Variants in AGBL4 observed in about 807,000 individuals in gnomAD.
AGBL4 encodes cytosolic carboxypeptidase 6.
A neutral mutation model predicts 66.4 loss-of-function variants in AGBL4; 58 were observed. The ratio of observed to expected loss-of-function variants is 0.87; its 90% CI spans 0.71 to 1.09. The LOEUF is 1.09. AGBL4 is among the 50% of genes least tolerant of loss of function. AGBL4 has a pLI of 0.00. For missense variants in AGBL4, 579 were observed against 631.0 expected, an observed-to-expected ratio of 0.92 and a Z score of 0.88; for synonymous variants, 234 against 222.9, an observed-to-expected ratio of 1.05 and a Z score of -0.44.
chr1:48,788,233 A>G (rs1645455124), intron 6 of AGBL4, among the ~76,000 whole-genome samples: 1 of 152,198 alleles, frequency 6.6e-6, no homozygotes, highest in African/African-American at 2.4e-5. Context: ...GGTTGCAAAA[A>G]CTATGAGTTG....
chr1:49,392,416 C>A (rs1644870725), intron 3 of AGBL4, among the ~76,000 whole-genome samples: 1 of 152,174 alleles, frequency 6.6e-6, no homozygotes, highest in Admixed American at 6.5e-5. Flanking sequence ...CTCAGAATGA[C>A]TTTTGCTACA....
intron 8 of AGBL4, among the ~76,000 whole-genome samples, 180 bp from the exon 9 acceptor site, chr1:48,634,784 G>A (rs1305222409): frequency 3.3e-5 from 5 of 152,208 alleles, no homozygotes; most frequent in Non-Finnish European, 7.3e-5. Flanking sequence ...ACAACCCTGT[G>A]AGGTCACTAC....
intron 5 of AGBL4, among the ~76,000 whole-genome samples, chr1:48,959,246 T>C (rs1449787752): frequency 6.6e-6 from 1 of 152,208 alleles, no homozygotes; most frequent in Non-Finnish European, 1.5e-5. Context: ...AATACCTACT[T>C]TTCATGGCTT....
chr1:48,622,472 T>C (rs2148398230), intron 9 of AGBL4, among the ~76,000 whole-genome samples: 1 of 137,990 alleles, frequency 7.2e-6, no homozygotes, highest in African/African-American at 2.6e-5. Flanking sequence ...TTTATTCAAA[T>C]ACATTTTTTT....
intron 3 of AGBL4, among the ~76,000 whole-genome samples, chr1:49,646,104 T>C (rs1365012467): frequency 6.6e-6 from 1 of 151,830 alleles, no homozygotes; most frequent in Non-Finnish European, 1.5e-5. Context: ...TTCCCTCTAA[T>C]ATCAGGATCA....
intron 5 of AGBL4, among the ~76,000 whole-genome samples, chr1:49,036,913 A>G (rs1664712022): frequency 1.3e-5 from 2 of 152,028 alleles, no homozygotes; most frequent in African/African-American, 4.8e-5. Flanking sequence ...CAAAGAGAGG[A>G]AGTCACAGGG....
intron 1 of AGBL4, chr1:49,994,636 T>A (rs1331438791): frequency 6.6e-6 from 1 of 152,504 alleles, no homozygotes; most frequent in East Asian, 1.9e-4. Flanking sequence ...TTAAAAAAAT[T>A]GCAAATGGGA....
At chr1:49,722,560 G>A (rs1415390652) in intron 2 of AGBL4, among the ~76,000 whole-genome samples, 1 of 152,110 alleles carries the variant, frequency 6.6e-6, no homozygotes, top group Non-Finnish European at 1.5e-5. Flanking sequence ...ATACAATGAT[G>A]AATAACAATA....
At position 49,117,091 on chromosome 1, in the gene AGBL4, T is replaced by G. The variant is rs182975292; in HGVS notation, c.378-71291A>C. Among the ~76,000 whole-genome samples the G allele has an allele frequency of 1.0e-3, 157 of 152,216 alleles. 4 individuals carry two copies. The highest frequency in any genetic ancestry group is 8.8e-5 in the Non-Finnish European group (6 of 67,980). On this transcript the variant is annotated intron_variant, in intron 4 of 13. Transcript: ENST00000371839. Reference sequence around the variant, plus strand: ...TTTTTTTTTTTCCTTGTAAATTTGTTTGAGTTCTTTGTAGATTCTGGATAT... The same window carrying G: ...TTTTTTTTTTTCCTTGTAAATTTGTGTGAGTTCTTTGTAGATTCTGGATAT...
At position 49,200,640 on chromosome 1, in the gene AGBL4, A is replaced by G. The variant is rs547422384; in HGVS notation, c.377+45130T>C. 1.1e-4 allele frequency among the ~76,000 whole-genome samples: 17 copies of G among 152,286 alleles called. No individual in the cohort carries two copies. The South Asian group carries it at 2.7e-3, about 24-fold the overall frequency. Reference sequence around the variant, plus strand: ...TTCAGTGGCTCACAGCACTGAGAGAAACAGATTTACTCATTTATTATAACG... The same window carrying G: ...TTCAGTGGCTCACAGCACTGAGAGAGACAGATTTACTCATTTATTATAACG... On this transcript the variant is annotated intron_variant, in intron 4 of 13. Coordinates refer to ENST00000371839, the MANE Select transcript of AGBL4 (RefSeq NM_032785.4).
intron 3 of AGBL4, among the ~76,000 whole-genome samples, chr1:49,327,117 T>G (rs1201173840): frequency 6.6e-6 from 1 of 152,166 alleles, no homozygotes; most frequent in East Asian, 1.9e-4. Context: ...CAAGGACCCT[T>G]GTGATTATAT....
chr1:48,588,005 T>G (rs966618449), intron 10 of AGBL4, among the ~76,000 whole-genome samples: 1 of 152,188 alleles, frequency 6.6e-6, no homozygotes, highest in East Asian at 1.9e-4. Flanking sequence ...TTGTATGATA[T>G]TGTTTCCCAT....
At chr1:49,354,958 C>T (rs1643988051) in intron 3 of AGBL4, among the ~76,000 whole-genome samples, 1 of 152,164 alleles carries the variant, frequency 6.6e-6, no homozygotes, top group Non-Finnish European at 1.5e-5. Context: ...CACCATTCCA[C>T]TGCAGGGCAC....
chr1:49,948,538 TATATAA>T (rs1185108817), intron 1 of AGBL4, among the ~76,000 whole-genome samples: 1 of 114,594 alleles, frequency 8.7e-6, no homozygotes, highest in Non-Finnish European at 1.8e-5. Flanking sequence ...TATATATAAA[TATATAA>T]ATATATATAA....
chr1:48,589,471 A>C (rs1191310693), intron 10 of AGBL4, among the ~76,000 whole-genome samples: 1 of 152,224 alleles, frequency 6.6e-6, no homozygotes, highest in Non-Finnish European at 1.5e-5. Context: ...ACATGGAAAT[A>C]ACAGGCCCCA....
At chr1:48,946,851 A>C (rs2148922168) in intron 5 of AGBL4, among the ~76,000 whole-genome samples, 1 of 152,278 alleles carries the variant, frequency 6.6e-6, no homozygotes, top group Middle Eastern at 3.4e-3. Flanking sequence ...GGAGGAAGTA[A>C]AAGTAAAGCC....
At chr1:49,608,253 A>C (rs1197085529) in intron 3 of AGBL4, among the ~76,000 whole-genome samples, 1 of 152,138 alleles carries the variant, frequency 6.6e-6, no homozygotes, top group Non-Finnish European at 1.5e-5. Flanking sequence ...GCTCATATTA[A>C]ATACAAATAT....
chr1:49,873,883 A>C (rs1646901941), intron 1 of AGBL4, among the ~76,000 whole-genome samples: 1 of 152,154 alleles, frequency 6.6e-6, no homozygotes, highest in Admixed American at 6.6e-5. Context: ...GTAGAAATCA[A>C]GTTGATTGTA....
intron 2 of AGBL4, chr1:49,845,705 T>G (rs1431025406): frequency 9.4e-6 from 15 of 1,593,642 alleles, no homozygotes. Context: ...CAGAGCACAT[T>G]CCTGACTGAG....
Sources: allele counts gnomAD v4.1 joint callset (sites outside exome capture counted in the v4.1 genomes callset), GRCh38; gene constraint gnomAD v4.1.1; transcripts MANE v1.5; gene names NCBI Gene and HGNC (gene_info 2026-07-23, HGNC 2026-07-21).